Variants in AGGF1 observed in about 807,000 individuals in gnomAD.
AGGF1 encodes angiogenic factor with G patch and FHA domains 1.
A neutral mutation model predicts 86.5 loss-of-function variants in AGGF1; 56 were observed. The observed-to-expected ratio is 0.65, with a 90% CI of 0.52 to 0.81. The LOEUF (loss-of-function observed/expected upper bound fraction) is 0.81. Ranked by LOEUF, AGGF1 falls within the 30% of genes least tolerant of loss-of-function variation. AGGF1 has a pLI of 0.00. For synonymous variants in AGGF1, 313 were observed against 297.1 expected (o/e 1.05, Z -0.55); for missense variants, 816 against 850.9 (o/e 0.96, Z 0.51).
At chr5:77,032,319 G>A (rs1033217286) in intron 1 of AGGF1, among the ~76,000 whole-genome samples, 1 of 147,846 alleles carries the variant, frequency 6.8e-6, no homozygotes, top group Non-Finnish European at 1.5e-5. Flanking sequence ...TGTAATCCTA[G>A]CACTTTGGGA....
intron 5 of AGGF1, among the ~76,000 whole-genome samples, chr5:77,044,819 A>C (rs1324709392): frequency 6.6e-6 from 1 of 152,160 alleles, no homozygotes; most frequent in Non-Finnish European, 1.5e-5. Flanking sequence ...CTGTTATCAA[A>C]GATAGGTATG....
intron 8 of AGGF1, among the ~76,000 whole-genome samples, chr5:77,051,943 T>C (rs185864065): frequency 5.3e-5 from 8 of 152,174 alleles, no homozygotes; most frequent in Non-Finnish European, 1.2e-4. Context: ...AGAAGCAAAA[T>C]AAGAGGAATA....
intron 9 of AGGF1, 77 bp downstream of exon 9, chr5:77,052,884 C>T (rs1464963246): frequency 1.7e-5 from 20 of 1,203,662 alleles, no homozygotes; most frequent in Non-Finnish European, 2.1e-5. Flanking sequence ...AGGGCATAAT[C>T]TTTATCATTT....
Position 77,059,725 on chromosome 5 carries a change from C to T in AGGF1, c.1826C>T (p.Ala609Val), listed in dbSNP as rs1353543633. 1 of 1,613,834 alleles carries T rather than the reference C, an allele frequency of 6.2e-7. No homozygotes were observed. The highest frequency in any genetic ancestry group is 1.1e-5 in the South Asian group (1 of 91,074). The part of the protein sequence containing the change: ...GSEGTFQRDD[A>V]PASVHSEITD... ...GAAGGAACTTTCCAAAGAGATGATG[C>T]TCCTGCATCTGTTCATTCGTAAGTT... Residue 609 changes from alanine to valine, a missense_variant, in exon 12 of 14, where the codon GCT becomes GTT. By Grantham distance (64) the Ala-to-Val change is moderately conservative. Coordinates refer to ENST00000312916, the MANE Select transcript of AGGF1 (RefSeq NM_018046.5).
At chr5:77,044,805 T>TA (rs1747213738) in intron 5 of AGGF1, among the ~76,000 whole-genome samples, 1 of 152,194 alleles carries the variant, frequency 6.6e-6, no homozygotes, top group Admixed American at 6.5e-5. Context: ...AAGCTGAACT[T>TA]ACGCTGTTAT....
chr5:77,061,559 A>G, intron 12 of AGGF1, 144 bp from the exon 13 acceptor site: 1 of 694,984 alleles, frequency 1.4e-6, no homozygotes, highest in Non-Finnish European at 2.4e-6. Context: ...GTACCAGTGG[A>G]ATTTGTGTGT....
At chr5:77,036,827 C>T in intron 4 of AGGF1, 107 bp downstream of exon 4, 2 of 1,251,708 alleles carry the variant, frequency 1.6e-6, no homozygotes, top group Non-Finnish European at 1.1e-6. Context: ...AACTTTCACC[C>T]CCCAGGTTCA....
intron 10 of AGGF1, among the ~76,000 whole-genome samples, 199 bp downstream of exon 10, chr5:77,054,329 T>A (rs534253632): frequency 6.6e-6 from 1 of 152,342 alleles, no homozygotes; most frequent in African/African-American, 2.4e-5. Flanking sequence ...TATTACCAAA[T>A]GAGACTAAGA....
chr5:77,032,884 TC>T (rs1746897058), intron 1 of AGGF1, among the ~76,000 whole-genome samples: 1 of 152,164 alleles, frequency 6.6e-6, no homozygotes, highest in Non-Finnish European at 1.5e-5. Context: ...AGCTATCAAT[TC>T]CCATTCATGT....
At chr5:77,034,010 A>T (rs1746918077) in intron 1 of AGGF1, among the ~76,000 whole-genome samples, 1 of 152,226 alleles carries the variant, frequency 6.6e-6, no homozygotes, top group Admixed American at 6.5e-5. Context: ...AGTGGCATTA[A>T]CATATTCAGG....
rs1257333070 is a variant in AGGF1, at chr5:77,064,633, A to G, written c.*1381A>G. 1 of 152,216 alleles carries G rather than the reference A, an allele frequency of 6.6e-6. No individual in the cohort carries two copies. The highest frequency in any genetic ancestry group is 1.5e-5 in the Non-Finnish European group (1 of 68,042). 9.4% of individuals were successfully genotyped at this position (152,216 alleles called of 1,614,324 possible). ...AAATTTGGATAAAATATCTCTTTGC[A>G]TTCTTCTTGGCCACCTGCATAGTCT... is the stretch of plus-strand genomic sequence containing the variant. On this transcript the variant is annotated 3_prime_UTR_variant, in exon 14 of 14. Transcript: ENST00000312916.
chr5:77,040,638 A>C (rs970252054), intron 5 of AGGF1, among the ~76,000 whole-genome samples: 2 of 152,226 alleles, frequency 1.3e-5, no homozygotes, highest in Non-Finnish European at 2.9e-5. Context: ...AAGAAGGAAA[A>C]TATAAAAAGT....
intron 12 of AGGF1, among the ~76,000 whole-genome samples, chr5:77,060,380 T>C (rs1383296887): frequency 6.6e-6 from 1 of 152,218 alleles, no homozygotes; most frequent in Admixed American, 6.5e-5. Context: ...TATGGACTGG[T>C]ATTTTTTAAT....
At chr5:77,045,891 T>C (rs1465956592) in intron 5 of AGGF1, among the ~76,000 whole-genome samples, 1 of 152,198 alleles carries the variant, frequency 6.6e-6, no homozygotes, top group African/African-American at 2.4e-5. Context: ...ATGTAAACTA[T>C]CTCATTAATA....
At chr5:77,047,456 A>T (rs924302262) in intron 6 of AGGF1, among the ~76,000 whole-genome samples, 1 of 152,206 alleles carries the variant, frequency 6.6e-6, no homozygotes, top group East Asian at 1.9e-4. Flanking sequence ...CCCCACAGAT[A>T]CCGAGGGCCA....
intron 10 of AGGF1, among the ~76,000 whole-genome samples, chr5:77,055,193 T>G (rs1005682348): frequency 6.6e-6 from 1 of 152,172 alleles, no homozygotes; most frequent in African/African-American, 2.4e-5. Flanking sequence ...TATGTTCCTT[T>G]GCAAAATTTA....
At chr5:77,036,313 T>C (rs1255423089) in intron 3 of AGGF1, among the ~76,000 whole-genome samples, 1 of 152,244 alleles carries the variant, frequency 6.6e-6, no homozygotes, top group Admixed American at 6.5e-5. Flanking sequence ...TGTGGCATCA[T>C]ACATTTATTC....
At chr5:77,051,678 A>G (rs1193283616) in intron 8 of AGGF1, among the ~76,000 whole-genome samples, 1 of 152,230 alleles carries the variant, frequency 6.6e-6, no homozygotes, top group Admixed American at 6.5e-5. Flanking sequence ...TGATTTAGCA[A>G]TTCCATTCCT....
intron 1 of AGGF1, among the ~76,000 whole-genome samples, chr5:77,032,076 G>A (rs1746864457): frequency 6.6e-6 from 1 of 151,908 alleles, no homozygotes; most frequent in Non-Finnish European, 1.5e-5. Flanking sequence ...ACACTGAAAC[G>A]TCATCAGACT....
Sources: allele counts gnomAD v4.1 joint callset (sites outside exome capture counted in the v4.1 genomes callset), GRCh38; gene constraint gnomAD v4.1.1; transcripts MANE v1.5; gene names NCBI Gene and HGNC (gene_info 2026-07-23, HGNC 2026-07-21).